The following HECTD4 variants were observed in gnomAD, a reference collection of about 807,000 sequenced individuals.
HECTD4 encodes HECT domain E3 ubiquitin protein ligase 4.
HECTD4 carries 114 observed loss-of-function variants against 471.5 expected under a neutral mutation model. That is an observed-to-expected ratio of 0.24 (90% confidence interval 0.21 to 0.28). The LOEUF is 0.28. HECTD4 is among the 10% of genes least tolerant of loss of function. The pLI is 1.00. For missense variants in HECTD4, 3,866 were observed against 5,651.5 expected, an observed-to-expected ratio of 0.68 and a Z score of 10.13; for synonymous variants, 2,012 against 2,256.0, an observed-to-expected ratio of 0.89 and a Z score of 3.07.
At chr12:112,338,679 GA>G (rs1427159043) in intron 1 of HECTD4, among the ~76,000 whole-genome samples, 1 of 152,082 alleles carries the variant, frequency 6.6e-6, no homozygotes, top group East Asian at 1.9e-4. Context: ...AATTTATACA[GA>G]AAAGAAGTTT....
At chr12:112,177,466 G>A (rs1032319184) in intron 64 of HECTD4, among the ~76,000 whole-genome samples, 2 of 145,556 alleles carry the variant, frequency 1.4e-5, no homozygotes, top group South Asian at 2.2e-4. Flanking sequence ...TGCAAGCTCC[G>A]CCTCCCGGGC....
At chr12:112,282,405 AAAC>A (rs1234304663) in intron 8 of HECTD4, among the ~76,000 whole-genome samples, 3 of 152,008 alleles carry the variant, frequency 2.0e-5, no homozygotes, top group African/African-American at 4.8e-5. Context: ...CAAAAACAAA[AAAC>A]AACAACAACG....
rs554632490 is a variant in HECTD4 at position 112,179,306 on chromosome 12, C to T, written c.11079G>A (p.Ala3693=). 12 of 1,613,350 alleles carry T rather than the reference C, an allele frequency of 7.4e-6. No individual in the cohort carries two copies. The highest frequency in any genetic ancestry group is 2.2e-5 in the South Asian group (2 of 90,880). The change falls in exon 63 of 76, where the codon GCG becomes GCA. Residue 3693 remains alanine, a synonymous_variant. Transcript: ENST00000682272. The surrounding 1 kb of genome is among the most constrained non-coding windows in gnomAD (Gnocchi z 4.3). The part of the protein sequence containing the change: ...HSEQTLSLTP[A]KPIRVSDIYL... ...AAATGTCAGAGACTCTGATGGGCTTCGCTGGTGTCAGGCTCAGCGTCTGCT... is the reference window on the plus strand; with the variant it reads ...AAATGTCAGAGACTCTGATGGGCTTTGCTGGTGTCAGGCTCAGCGTCTGCT...
chr12:112,353,756 G>C (rs2036285392), intron 1 of HECTD4, among the ~76,000 whole-genome samples: 1 of 152,164 alleles, frequency 6.6e-6, no homozygotes, highest in Non-Finnish European at 1.5e-5. Context: ...CTAAACTTCA[G>C]CTTTAAAAAG....
At chr12:112,279,516 T>G (rs1055373318) in intron 8 of HECTD4, 130 bp from the exon 9 acceptor site, 13 of 777,026 alleles carry the variant, frequency 1.7e-5, no homozygotes, top group Non-Finnish European at 2.0e-5. Context: ...ATTTCCAGAT[T>G]AGGAAAACAG....
intron 1 of HECTD4, among the ~76,000 whole-genome samples, chr12:112,339,155 T>C (rs1420466132): frequency 6.6e-6 from 1 of 151,946 alleles, no homozygotes; most frequent in Non-Finnish European, 1.5e-5. Flanking sequence ...ACACTGTTTA[T>C]AATATCAAAA....
chr12:112,295,721 A>T (rs1408410786), intron 7 of HECTD4, among the ~76,000 whole-genome samples: 1 of 151,244 alleles, frequency 6.6e-6, no homozygotes, highest in Non-Finnish European at 1.5e-5. Flanking sequence ...ACTTCTCTGC[A>T]GCCTTAAACT....
intron 4 of HECTD4, among the ~76,000 whole-genome samples, chr12:112,311,030 G>A (rs1180030492): frequency 6.6e-6 from 1 of 152,224 alleles, no homozygotes; most frequent in Non-Finnish European, 1.5e-5. Flanking sequence ...GGGAGGCCGA[G>A]GCGGGCAGAT....
At chr12:112,298,480 A>ATTTTTT (rs199649818) in intron 7 of HECTD4, among the ~76,000 whole-genome samples, 1 of 132,792 alleles carries the variant, frequency 7.5e-6, no homozygotes. Flanking sequence ...AATTATATTA[A>ATTTTTT]TTTTTTTTTT....
In HECTD4 at chr12:112,252,474, T is replaced by C; in HGVS notation, c.3502A>G (p.Asn1168Asp). ...SFEMRSGREH[N>D]TPDKAMWGFA... is the part of the protein sequence containing the mutation. ...CCCCACATGGCTTTATCAGGAGTGT[T>C]GTGTTCACGGCCACTTCTCATTTCA... The change falls in exon 23 of 76, where the codon AAC becomes GAC. Residue 1168 changes from asparagine (N) to aspartate (D), a missense_variant. Coordinates refer to ENST00000682272, the MANE Select transcript of HECTD4 (RefSeq NM_001388303.1). The C allele has an allele frequency of 6.2e-7, 1 of 1,613,022 alleles. No individual in the cohort carries two copies. Among genetic ancestry groups the C allele is most frequent in the Non-Finnish European group, 8.5e-7 (1 of 1,179,478 alleles).
chr12:112,378,745 T>A (rs1201015658), intron 1 of HECTD4, among the ~76,000 whole-genome samples: 1 of 152,090 alleles, frequency 6.6e-6, no homozygotes, highest in South Asian at 2.1e-4. Context: ...AGATAGCTTT[T>A]AAAAAATTAA....
Position 112,231,549 on chromosome 12 carries a change from G to A in HECTD4, c.6164C>T (p.Thr2055Ile). The A allele has an allele frequency of 6.2e-7, 1 of 1,614,068 alleles. No individual in the cohort carries two copies. The highest frequency in any genetic ancestry group is 8.5e-7 in the Non-Finnish European group (1 of 1,179,900). ...STGDKKKTAQ[T>I]SICRERNSEL... ...CGAGTTCCTCTCTCGGCAAATGGAA[G>A]TTTGGGCAGTTTTCTTTTTGTCGCC... Residue 2055 changes from threonine to isoleucine, a missense_variant, in exon 39 of 76, where the codon ACT becomes ATT. Transcript: ENST00000682272.
At chr12:112,247,127 C>T in intron 28 of HECTD4, 51 bp from the exon 29 acceptor site, 1 of 1,378,086 alleles carries the variant, frequency 7.3e-7, no homozygotes, top group Non-Finnish European at 9.9e-7. Context: ...TTATCAAAAA[C>T]AACTATTAAA....
chr12:112,280,063 T>C (rs534294359), intron 8 of HECTD4, among the ~76,000 whole-genome samples: 7 of 152,264 alleles, frequency 4.6e-5, no homozygotes, highest in South Asian at 2.1e-4. Context: ...GGTTTTTTTT[T>C]CCCATTTTAT....
At chr12:112,249,128 G>A (rs1037625981) in intron 25 of HECTD4, among the ~76,000 whole-genome samples, 3 of 152,174 alleles carry the variant, frequency 2.0e-5, no homozygotes, top group African/African-American at 7.2e-5. Context: ...GCTGAGGCTG[G>A]CGAATCACTT....
chr12:112,289,608 T>C (rs2034832572), intron 7 of HECTD4, among the ~76,000 whole-genome samples: 1 of 152,106 alleles, frequency 6.6e-6, no homozygotes, highest in Admixed American at 6.5e-5. Flanking sequence ...AAAACTAATA[T>C]ATGGTTACTC....
chr12:112,376,488 T>C (rs537550832), intron 1 of HECTD4, among the ~76,000 whole-genome samples: 5 of 152,172 alleles, frequency 3.3e-5, no homozygotes, highest in East Asian at 3.9e-4. Flanking sequence ...CCTCGTGATC[T>C]GCCCGCCGTG....
At position 112,185,444 on chromosome 12, in the gene HECTD4, A is replaced by G; in HGVS notation, c.9522T>C (p.Val3174=). The change falls in exon 61 of 76, where the codon GTT becomes GTC. Residue 3174 remains valine (V), a synonymous_variant. Coordinates refer to ENST00000682272, the MANE Select transcript of HECTD4 (RefSeq NM_001388303.1). ...GCAGGAGCTCTGCCAGGAGATGGAAAACAAGCTCCTTCACGCAGGCTGCCA... is the reference window on the plus strand; with the variant it reads ...GCAGGAGCTCTGCCAGGAGATGGAAGACAAGCTCCTTCACGCAGGCTGCCA... The part of the protein sequence containing the change: ...TDMAACVKEL[V]FHLLAELLRT... The G allele has an allele frequency of 1.9e-6, 3 of 1,577,736 alleles. No individual in the cohort carries two copies. The highest frequency in any genetic ancestry group is 2.6e-6 in the Non-Finnish European group (3 of 1,160,982).
Position 112,163,463 on chromosome 12 carries a change from G to T in HECTD4, c.12897+79C>A. Reference sequence around the variant, plus strand: ...CTGAGACAGGCCACTGCCGATGCCTGCTGCTGGAGTTGAGGGTGACAGGGA... The same window carrying T: ...CTGAGACAGGCCACTGCCGATGCCTTCTGCTGGAGTTGAGGGTGACAGGGA... On this transcript the variant is annotated intron_variant, in intron 74 of 75. Transcript: ENST00000682272. This position sits in a 1 kb window ranked among gnomAD's most constrained non-coding sequence, Gnocchi z 8.2. The T allele has an allele frequency of 1.6e-6, 2 of 1,270,318 alleles. No homozygotes were observed. The highest frequency in any genetic ancestry group is 2.1e-6 in the Non-Finnish European group (2 of 936,314). The allele number at this position is 1,270,318 out of a possible 1,614,324, so 78.7% of individuals were successfully genotyped here. A position where few individuals can be genotyped will look rare whatever the true frequency, so the allele number is the denominator to read the frequency against.
Sources: gnomAD v4.1 joint callset for allele counts (sites outside exome capture counted in the v4.1 genomes callset) on GRCh38, gnomAD v4.1.1 for gene constraint, Gnocchi (gnomAD v3.1) non-coding constraint, MANE v1.5 for transcripts, NCBI Gene and HGNC (gene_info 2026-07-23, HGNC 2026-07-21) for gene names.